Variants in GLIS3 observed in about 807,000 individuals in gnomAD.
The protein encoded by GLIS3 is GLIS family zinc finger 3.
In GLIS3, 53 loss-of-function variants were observed where a neutral mutation model predicts 78.6. The observed-to-expected ratio is 0.67, with a 90% CI of 0.54 to 0.85. The LOEUF (loss-of-function observed/expected upper bound fraction) is 0.85, where lower values mean the gene tolerates loss of function less well. GLIS3 is among the 40% of genes least tolerant of loss of function. The pLI is 0.00. For synonymous variants in GLIS3, 684 were observed against 509.9 expected, an observed-to-expected ratio of 1.34 and a Z score of -4.60; for missense variants, 1,703 against 1,231.1, an observed-to-expected ratio of 1.38 and a Z score of -5.74.
chr9:4,238,659 ATTT>A (rs1220955744), intron 2 of GLIS3, among the ~76,000 whole-genome samples: 1 of 152,132 alleles, frequency 6.6e-6, no homozygotes, highest in Non-Finnish European at 1.5e-5. Context: ...ACAAAACAAA[ATTT>A]ACTGAGCACA....
intron 2 of GLIS3, among the ~76,000 whole-genome samples, chr9:4,278,492 G>C (rs1440369608): frequency 6.6e-6 from 1 of 152,154 alleles, no homozygotes; most frequent in Admixed American, 6.5e-5. Flanking sequence ...GGGACAGTTT[G>C]AGCATCACAA....
intron 4 of GLIS3, among the ~76,000 whole-genome samples, chr9:3,987,419 G>A (rs1819829429): frequency 6.6e-6 from 1 of 151,962 alleles, no homozygotes; most frequent in Admixed American, 6.6e-5. Context: ...AAGAAATAAT[G>A]GGCTGGGTGC....
rs111990891 is a variant in GLIS3 at position 4,171,879 on chromosome 9, C to G, written c.389-45938G>C. Reference sequence around the variant, plus strand: ...GAAGAGGACTGGCTGCTAAGGAATACATTTAAAAAGTCATTTAAAGGGAAA... The same window carrying G: ...GAAGAGGACTGGCTGCTAAGGAATAGATTTAAAAAGTCATTTAAAGGGAAA... On this transcript the variant is annotated intron_variant, in intron 2 of 10. Transcript: ENST00000381971. Among the ~76,000 whole-genome samples, 182 of 152,242 alleles carry G rather than the reference C, an allele frequency of 1.2e-3. 1 individual carries two copies. The highest frequency in any genetic ancestry group is 4.3e-3 in the African/African-American group (178 of 41,538).
the GLIS3 span, among the ~76,000 whole-genome samples, chr9:4,356,926 A>G: frequency 4.6e-5 from 7 of 152,236 alleles, no homozygotes; most frequent in African/African-American, 1.7e-4. Flanking sequence ...GGCATTTTCA[A>G]AATATTTTAA....
intron 2 of GLIS3, among the ~76,000 whole-genome samples, chr9:4,187,322 T>A (rs1437610990): frequency 6.6e-6 from 1 of 152,236 alleles, no homozygotes; most frequent in Admixed American, 6.5e-5. Flanking sequence ...GCTGCGTTAT[T>A]TCTGAGGGCT....
At chr9:4,195,753 G>A (rs1818773901) in intron 2 of GLIS3, among the ~76,000 whole-genome samples, 1 of 152,388 alleles carries the variant, frequency 6.6e-6, no homozygotes, top group East Asian at 1.9e-4. Context: ...GTCGGGTGGG[G>A]TCTTGGAGAA....
At chr9:4,257,651 G>A (rs1376651115) in intron 2 of GLIS3, among the ~76,000 whole-genome samples, 2 of 151,800 alleles carry the variant, frequency 1.3e-5, no homozygotes, top group Non-Finnish European at 2.9e-5. Flanking sequence ...TCGGCTCACT[G>A]CAAGCTCCGC....
At chr9:4,277,374 C>G (rs916989966) in intron 2 of GLIS3, among the ~76,000 whole-genome samples, 8 of 152,234 alleles carry the variant, frequency 5.3e-5, no homozygotes, top group African/African-American at 1.9e-4. Flanking sequence ...ATTGAAATAG[C>G]CAAACACAAA....
At chr9:4,147,834 A>G (rs1047894883) in intron 2 of GLIS3, among the ~76,000 whole-genome samples, 1 of 151,340 alleles carries the variant, frequency 6.6e-6, no homozygotes, top group African/African-American at 2.4e-5. Context: ...AAAAAAAATT[A>G]TAACATTCTA....
chr9:4,365,842 A>G, the GLIS3 span, among the ~76,000 whole-genome samples: 27 of 152,354 alleles, frequency 1.8e-4, no homozygotes, highest in African/African-American at 6.5e-4. Context: ...TGAGGTATCA[A>G]TATCTTCTTT....
At chr9:4,458,578 A>T in the GLIS3 span, among the ~76,000 whole-genome samples, 1 of 152,154 alleles carries the variant, frequency 6.6e-6, no homozygotes, top group African/African-American at 2.4e-5. Flanking sequence ...TCATGAGGTT[A>T]GGAGCTCAAG....
chr9:3,849,334 A>G (rs1442214580), intron 9 of GLIS3, among the ~76,000 whole-genome samples: 2 of 152,180 alleles, frequency 1.3e-5, no homozygotes, highest in African/African-American at 4.8e-5. Flanking sequence ...AAAAACTGTG[A>G]ACGGAATCTC....
At chr9:3,885,967 T>A (rs116168422) in intron 7 of GLIS3, among the ~76,000 whole-genome samples, 1 of 152,206 alleles carries the variant, frequency 6.6e-6, no homozygotes, top group Non-Finnish European at 1.5e-5. Context: ...ATAAGGATAA[T>A]ACCTCACTGG....
At chr9:3,976,954 T>A (rs1278404671) in intron 4 of GLIS3, among the ~76,000 whole-genome samples, 1 of 151,410 alleles carries the variant, frequency 6.6e-6, no homozygotes, top group Non-Finnish European at 1.5e-5. Flanking sequence ...ATGCCTTCCG[T>A]TCAATTTAGC....
At chr9:3,850,664 C>T (rs1362713858) in intron 9 of GLIS3, among the ~76,000 whole-genome samples, 1 of 152,220 alleles carries the variant, frequency 6.6e-6, no homozygotes, top group Non-Finnish European at 1.5e-5. Flanking sequence ...CTGACTTCTT[C>T]ATTCGATAGG....
At chr9:3,947,619 A>T (rs1303408342) in intron 4 of GLIS3, among the ~76,000 whole-genome samples, 1 of 152,248 alleles carries the variant, frequency 6.6e-6, no homozygotes. Context: ...GGAAATTCAC[A>T]CACGAAGAGA....
chr9:3,881,835 G>T (rs904382462), intron 7 of GLIS3, among the ~76,000 whole-genome samples: 36 of 152,176 alleles, frequency 2.4e-4, no homozygotes, highest in African/African-American at 8.7e-4. Context: ...AAAATACCAA[G>T]ACCTATTAGT....
chr9:4,024,928 A>T (rs1262365764), intron 4 of GLIS3, among the ~76,000 whole-genome samples: 1 of 152,160 alleles, frequency 6.6e-6, no homozygotes, highest in South Asian at 2.1e-4. Flanking sequence ...CTCGATCCCT[A>T]GCACTTAAGC....
At chr9:4,416,289 T>C in the GLIS3 span, among the ~76,000 whole-genome samples, 5 of 136,952 alleles carry the variant, frequency 3.7e-5, no homozygotes, top group African/African-American at 1.4e-4. Context: ...AGCATGCAAA[T>C]TGATCTTAAT....
Sources: gnomAD v4.1 joint callset for allele counts (sites outside exome capture counted in the v4.1 genomes callset) on GRCh38, gnomAD v4.1.1 for gene constraint, MANE v1.5 for transcripts, NCBI Gene and HGNC (gene_info 2026-07-23, HGNC 2026-07-21) for gene names.